Variants in CUX1 observed in about 807,000 individuals in gnomAD.
CUX1 encodes protein CASP.
A neutral mutation model predicts 158.8 loss-of-function variants in CUX1; 31 were observed. That is an observed-to-expected ratio of 0.20 (90% CI 0.15 to 0.26). The LOEUF is 0.26. Among genes scored for constraint, CUX1 ranks in the 10% least tolerant of loss-of-function variants. The probability of loss-of-function intolerance (pLI) is 1.00; values close to 1 mark genes in which losing one functional copy is unlikely to be tolerated. For missense variants in CUX1, 1,589 were observed against 2,014.6 expected (o/e 0.79, Z 4.04); for synonymous variants, 879 against 862.1 (o/e 1.02, Z -0.34).
rs1303547770 is a variant in CUX1 at position 101,821,559 on chromosome 7, C to G, written c.30+3890C>G. Among the ~76,000 whole-genome samples the G allele has an allele frequency of 7.9e-5, 12 of 150,976 alleles. No individual in the cohort carries two copies. In the East Asian group the frequency reaches 1.4e-3, roughly 17 times the overall value. On this transcript the variant is annotated intron_variant, in intron 1 of 23. Transcript: ENST00000292535. ...TTCACCGTGTTAGCCCGGATGGTCTCGATCTCCTCACTTAGTGATCCGCCC... is the reference window on the plus strand; with the variant it reads ...TTCACCGTGTTAGCCCGGATGGTCTGGATCTCCTCACTTAGTGATCCGCCC...
downstream of CUX1, among the ~76,000 whole-genome samples, chr7:102,263,183 T>C (rs1790539270): frequency 6.7e-6 from 1 of 150,030 alleles, no homozygotes; most frequent in African/African-American, 2.5e-5. Flanking sequence ...CCAGCTAATT[T>C]TTGTATTTTT....
chr7:102,166,892 C>G lies in CUX1; in HGVS notation c.724-3554C>G, dbSNP rs1471976024. Among the ~76,000 whole-genome samples, 5 of 152,156 alleles carry G rather than the reference C, an allele frequency of 3.3e-5. No individual in the cohort carries two copies. The East Asian group carries it at 9.6e-4, about 29-fold the overall frequency. On this transcript the variant is annotated intron_variant, in intron 9 of 23. Transcript: ENST00000292535. The stretch of plus-strand genomic sequence containing the variant: ...CAAGCCACAAGTGATAGAAGTCTGA[C>G]ACCGTGACCGCCAACAGATGGGCCA...
At chr7:102,221,737 TAAAAAAA>T (rs60706791) in intron 20 of CUX1, among the ~76,000 whole-genome samples, 52 of 134,012 alleles carry the variant, frequency 3.9e-4, no homozygotes, top group South Asian at 7.1e-4. Flanking sequence ...CAGTGCCTTG[TAAAAAAA>T]AAAAAAAAAA....
At chr7:101,950,289 C>T (rs1464504293) in intron 2 of CUX1, among the ~76,000 whole-genome samples, 2 of 152,014 alleles carry the variant, frequency 1.3e-5, no homozygotes, top group Non-Finnish European at 2.9e-5. Flanking sequence ...GGATTACAGG[C>T]GTGAGCCACT....
rs973521440 is a variant in CUX1 at position 102,201,026 on chromosome 7, A to T, written c.2063-334A>T. 2.2e-5 allele frequency among the ~76,000 whole-genome samples: 1 copy of T among 45,430 alleles called. No homozygotes were observed. The highest frequency in any genetic ancestry group is 1.9e-4 in the Admixed American group (1 of 5,176). The allele number at this position is 45,430 out of a possible 152,430, so 29.8% of individuals were successfully genotyped here. On this transcript the variant is annotated intron_variant, in intron 17 of 23. Coordinates refer to ENST00000292535, the MANE Select transcript of CUX1 (RefSeq NM_181552.4). This position sits in a 1 kb window ranked among gnomAD's most constrained non-coding sequence, Gnocchi z 5.0. The stretch of plus-strand genomic sequence containing the variant: ...TGGACAACAGCGAGATCCTGTCGCT[A>T]AAAAAAAAAAAAAAAAAAAAAAAAA...
intron 22 of CUX1, among the ~76,000 whole-genome samples, chr7:102,234,588 T>C (rs1159196767): frequency 6.6e-6 from 1 of 152,062 alleles, no homozygotes; most frequent in Non-Finnish European, 1.5e-5. Context: ...ACCAGGTGGC[T>C]AGAGGCCTTC....
Position 102,222,811 on chromosome 7 carries a change from C to CTTTTTTTTTTTTTTTTTTTTTT in CUX1, c.3131-4551_3131-4530dup. Among the ~76,000 whole-genome samples the CTTTTTTTTTTTTTTTTTTTTTT allele has an allele frequency of 2.1e-3, 54 of 25,520 alleles. 20 individuals carry two copies. Among genetic ancestry groups the CTTTTTTTTTTTTTTTTTTTTTT allele is most frequent in the East Asian group, 7.7e-3 (4 of 522 alleles). 16.7% of individuals were successfully genotyped at this position (25,520 alleles called of 152,430 possible). A position where few individuals can be genotyped will look rare whatever the true frequency, so the allele number is the denominator to read the frequency against. ...GGCTGTGTGTCTCGGGGCACCGTAT[C>CTTTTTTTTTTTTTTTTTTTTTT]TTTTTTTTTTTTTTTTTTTTTTTTT... On this transcript the variant is annotated intron_variant, in intron 20 of 23. Transcript: ENST00000292535.
chr7:101,884,199 T>A (rs1333602774), intron 1 of CUX1, among the ~76,000 whole-genome samples: 1 of 152,216 alleles, frequency 6.6e-6, no homozygotes, highest in African/African-American at 2.4e-5. Flanking sequence ...TGGCCAATTT[T>A]TAGTTATTGT....
intron 11 of CUX1, among the ~76,000 whole-genome samples, chr7:102,186,582 T>C (rs1793640499): frequency 8.9e-6 from 1 of 112,556 alleles, no homozygotes; most frequent in African/African-American, 3.4e-5. Flanking sequence ...AGATAGTATA[T>C]ATATATATAT....
In CUX1 at chr7:102,189,872, G is replaced by A. The variant is rs1794092098; in HGVS notation, c.1076+1G>A. 1 of 1,614,148 alleles carries A rather than the reference G, an allele frequency of 6.2e-7. No homozygotes were observed. The highest frequency in any genetic ancestry group is 8.5e-7 in the Non-Finnish European group (1 of 1,180,042). ...ATGAAGAGGTGAAGAAAGAGCTGAA[G>A]TAAGTACGGAGAGCCCTGTGGCCCC... On this transcript the variant is annotated splice_donor_variant, in intron 12 of 23. Transcript: ENST00000292535. LOFTEE classifies it high-confidence loss of function.
At position 102,170,563 on chromosome 7, in the gene CUX1, G is replaced by A. The variant is rs531066846; in HGVS notation, c.828+13G>A. On this transcript the variant is annotated intron_variant, in intron 10 of 23. Transcript: ENST00000292535. ...GGCACCAGACGTGGTGGGTAGCCCC[G>A]GCCCCGTGGGGGACTGTCCCCGCCT... 19 of 1,553,018 alleles carry A rather than the reference G, an allele frequency of 1.2e-5. No individual in the cohort carries two copies. The highest frequency in any genetic ancestry group is 1.7e-4 in the Middle Eastern group (1 of 5,968).
chr7:102,229,581 G>A (rs909856975), intron 21 of CUX1, among the ~76,000 whole-genome samples: 3 of 149,852 alleles, frequency 2.0e-5, no homozygotes, highest in Non-Finnish European at 4.4e-5. Flanking sequence ...CAAAACACAG[G>A]GATTACAGGC....
chr7:101,904,392 G>C lies in CUX1; in HGVS notation c.31-11723G>C, dbSNP rs1466307867. The stretch of plus-strand genomic sequence containing the variant: ...CTACTGTCTACCCTAAGTCAGTACT[G>C]TACTTCTGTTCATTTTCTGGGGGTG... On this transcript the variant is annotated intron_variant, in intron 1 of 23. Transcript: ENST00000292535. 3.3e-5 allele frequency among the ~76,000 whole-genome samples: 5 copies of C among 152,152 alleles called. No homozygotes were observed. In the East Asian group the frequency reaches 9.6e-4, roughly 29 times the overall value.
At chr7:102,017,018 C>A (rs1818684288) in intron 2 of CUX1, among the ~76,000 whole-genome samples, 1 of 152,030 alleles carries the variant, frequency 6.6e-6, no homozygotes, top group African/African-American at 2.4e-5. Flanking sequence ...AAAACGTTAG[C>A]TTGGGCTGGG....
At chr7:101,844,159 A>G (rs73712566) in intron 1 of CUX1, among the ~76,000 whole-genome samples, 1,699 of 152,004 alleles carry the variant, frequency 0.011, 38 homozygotes, top group African/African-American at 0.039. Context: ...CACTGTTGCT[A>G]TTAACAAACA....
chr7:101,925,734 C>T (rs952066906), intron 2 of CUX1, among the ~76,000 whole-genome samples: 1 of 152,112 alleles, frequency 6.6e-6, no homozygotes, highest in African/African-American at 2.4e-5. Flanking sequence ...GAGTTGGAGA[C>T]CAGCCTGGGC....
At chr7:102,198,278 G>C (rs1400442258) in intron 15 of CUX1, among the ~76,000 whole-genome samples, 1 of 152,112 alleles carries the variant, frequency 6.6e-6, no homozygotes, top group Non-Finnish European at 1.5e-5. Context: ...AAACAAAAAA[G>C]AAAGTTCCTT....
chr7:101,965,098 G>A (rs1397435450), intron 2 of CUX1, among the ~76,000 whole-genome samples: 1 of 152,194 alleles, frequency 6.6e-6, no homozygotes, highest in Non-Finnish European at 1.5e-5. Flanking sequence ...TCATTCCCGT[G>A]CCTTGCCCCT....
rs900674995 is a variant in CUX1 at position 101,939,319 on chromosome 7, G to C, written c.141+23094G>C. On this transcript the variant is annotated intron_variant, in intron 2 of 23. Coordinates refer to ENST00000292535, the MANE Select transcript of CUX1 (RefSeq NM_181552.4). ...CAGTGGATTTGCAGTTCAACAGTGTGGCCGCTGTCAGTGCCAAGTAGTATT... is the reference window on the plus strand; with the variant it reads ...CAGTGGATTTGCAGTTCAACAGTGTCGCCGCTGTCAGTGCCAAGTAGTATT... Among the ~76,000 whole-genome samples the C allele has an allele frequency of 2.6e-5, 4 of 151,884 alleles. No individual in the cohort carries two copies. In the East Asian group the frequency reaches 7.8e-4, roughly 30 times the overall value.
Sources: gnomAD v4.1 joint callset for allele counts (sites outside exome capture counted in the v4.1 genomes callset) on GRCh38, gnomAD v4.1.1 for gene constraint, Gnocchi (gnomAD v3.1) non-coding constraint, MANE v1.5 for transcripts, NCBI Gene and HGNC (gene_info 2026-07-23, HGNC 2026-07-21) for gene names.